DHX30: variants seen among roughly 807,000 people sequenced by gnomAD.
DHX30 encodes DExH-box helicase 30.
A neutral mutation model predicts 116.9 loss-of-function variants in DHX30; 4 were observed. That is an observed-to-expected ratio of 0.03 (90% CI 0.02 to 0.08). DHX30 has a LOEUF of 0.08. Ranked by LOEUF, DHX30 falls within the 10% of genes least tolerant of loss-of-function variation. The probability of loss-of-function intolerance (pLI) is 1.00; values close to 1 mark genes in which losing one functional copy is unlikely to be tolerated. For missense variants in DHX30, 871 were observed against 1,595.1 expected (o/e 0.55, Z 7.73); for synonymous variants, 697 against 651.7 (o/e 1.07, Z -1.06).
chr3:47,843,284 G>A (rs771988815), intron 9 of DHX30, 29 bp downstream of exon 9: 2 of 1,611,886 alleles, frequency 1.2e-6, no homozygotes, highest in East Asian at 2.2e-5. Context: ...TGGGTGTGGT[G>A]CATGAGAATG....
intron 4 of DHX30, among the ~76,000 whole-genome samples, chr3:47,820,500 C>T (rs955212991): frequency 1.3e-5 from 2 of 152,014 alleles, no homozygotes; most frequent in African/African-American, 4.8e-5. Flanking sequence ...GGTAAGTTGC[C>T]AAAATATAGG....
chr3:47,825,056 G>A, intron 4 of DHX30: 1 of 662,342 alleles, frequency 1.5e-6, no homozygotes, highest in Non-Finnish European at 2.7e-6. Context: ...GCCGCTAGGA[G>A]ACTCATGGCG....
chr3:47,846,448 C>T lies in DHX30; in HGVS notation c.1376C>T (p.Thr459Met). Residue 459 changes from threonine to methionine, a missense_variant, in exon 11 of 22, where the codon ACG becomes ATG. This residue lies in a region of DHX30 where 63 missense variants were observed against 180.6 expected (regional missense o/e 0.35). Transcript: ENST00000445061. ...QHPVVVISGD[T>M]GCGKTTRIPQ... ...CCGGTGGTGGTCATCTCTGGGGACA[C>T]GGGCTGTGGGAAGACCACGCGCATC... The T allele has an allele frequency of 6.2e-7, 1 of 1,614,112 alleles. No homozygotes were observed. The highest frequency in any genetic ancestry group is 8.5e-7 in the Non-Finnish European group (1 of 1,180,048).
At chr3:47,840,647 A>AAACAAAT (rs2037331580) in intron 6 of DHX30, among the ~76,000 whole-genome samples, 1 of 152,102 alleles carries the variant, frequency 6.6e-6, no homozygotes, top group Admixed American at 6.6e-5. Flanking sequence ...AAAAAACAAA[A>AAACAAAT]AACAAACAGT....
intron 9 of DHX30, among the ~76,000 whole-genome samples, chr3:47,844,469 C>T (rs1180598624): frequency 6.6e-6 from 1 of 152,218 alleles, no homozygotes; most frequent in Non-Finnish European, 1.5e-5. Context: ...GTCAGTGAGG[C>T]TGGTGGGTAA....
At chr3:47,824,594 G>A (rs1242761927) in intron 4 of DHX30, among the ~76,000 whole-genome samples, 1 of 152,176 alleles carries the variant, frequency 6.6e-6, no homozygotes, top group Non-Finnish European at 1.5e-5. Flanking sequence ...GCCTGGCCCT[G>A]GCTCCAGATC....
chr3:47,837,156 C>T (rs970839931), intron 6 of DHX30, among the ~76,000 whole-genome samples: 1 of 152,144 alleles, frequency 6.6e-6, no homozygotes, highest in African/African-American at 2.4e-5. Flanking sequence ...GCAAGGCACT[C>T]CAGACTCAGG....
In DHX30 at chr3:47,850,097, G is replaced by A. The variant is rs372861896; in HGVS notation, c.3562G>A (p.Val1188Met). ...GCGAGGACCCTGTGGCAGCTTTGAT[G>A]TGCGCAAGACAGCTGACGACTGAGC... is the stretch of plus-strand genomic sequence containing the variant. ...LLRGPCGSFD[V>M]RKTADD The change falls in exon 22 of 22, where the codon GTG becomes ATG. Residue 1188 changes from valine to methionine, a missense_variant. Coordinates refer to ENST00000445061, the MANE Select transcript of DHX30 (RefSeq NM_138615.3). 13 of 1,595,620 alleles carry A rather than the reference G, an allele frequency of 8.1e-6. No individual in the cohort carries two copies. In the African/African-American group the frequency reaches 1.6e-4, roughly 20 times the overall value.
chr3:47,834,998 TTTTTA>T (rs1442930941), intron 6 of DHX30, among the ~76,000 whole-genome samples: 2 of 151,948 alleles, frequency 1.3e-5, no homozygotes, highest in Admixed American at 1.3e-4. Context: ...ACTTCTTTAT[TTTTTA>T]TTTTATTTTT....
chr3:47,841,757 A>G lies in DHX30; in HGVS notation c.789+20A>G. 1 of 1,614,030 alleles carries G rather than the reference A, an allele frequency of 6.2e-7. No individual in the cohort carries two copies. The highest frequency in any genetic ancestry group is 8.5e-7 in the Non-Finnish European group (1 of 1,179,968). The stretch of plus-strand genomic sequence containing the variant: ...GCTAAGGTGAGTTGGGTCTCCTAGA[A>G]GTTTGTGTGGGGGCCGTTTACTTGG... On this transcript the variant is annotated intron_variant, in intron 8 of 21. Coordinates refer to ENST00000445061, the MANE Select transcript of DHX30 (RefSeq NM_138615.3).
chr3:47,844,620 G>A (rs902739702), intron 9 of DHX30, among the ~76,000 whole-genome samples: 2 of 152,252 alleles, frequency 1.3e-5, no homozygotes, highest in Non-Finnish European at 2.9e-5. Flanking sequence ...GAGGCAGGGG[G>A]TTGGCCCCTG....
At chr3:47,831,980 T>G (rs1426664517) in intron 6 of DHX30, among the ~76,000 whole-genome samples, 9 of 148,050 alleles carry the variant, frequency 6.1e-5, no homozygotes, top group East Asian at 2.1e-4. Context: ...GGCATTTTCC[T>G]TATTGTTGAA....
chr3:47,820,853 C>T (rs1001374831), intron 4 of DHX30, among the ~76,000 whole-genome samples: 6 of 151,392 alleles, frequency 4.0e-5, no homozygotes, highest in African/African-American at 1.2e-4. Flanking sequence ...TCCAAGAATA[C>T]GGAGAAGGCT....
rs1319791606 is a variant in DHX30 at position 47,803,202 on chromosome 3, T to C, written c.-133T>C. On this transcript the variant is annotated 5_prime_UTR_variant, in exon 1 of 22. Transcript: ENST00000445061. ...GGTGCACAGAGGCTTGTTTCACATC[T>C]GTAACAACAGGTGAATTGGGCTTTT... The C allele has an allele frequency of 5.1e-6, 2 of 393,612 alleles. No homozygotes were observed. Among genetic ancestry groups the C allele is most frequent in the African/African-American group, 2.1e-5 (1 of 48,354 alleles). The allele number at this position is 393,612 out of a possible 1,614,324, so 24.4% of individuals were successfully genotyped here.
chr3:47,822,929 T>C (rs1444827224), intron 4 of DHX30, among the ~76,000 whole-genome samples: 2 of 151,456 alleles, frequency 1.3e-5, no homozygotes, highest in Non-Finnish European at 2.9e-5. Flanking sequence ...CTGTCTCTAC[T>C]AAAAATACAA....
At chr3:47,845,094 G>T (rs1269134719) in intron 9 of DHX30, among the ~76,000 whole-genome samples, 1 of 152,142 alleles carries the variant, frequency 6.6e-6, no homozygotes, top group Non-Finnish European at 1.5e-5. Context: ...TGGGGGGGCT[G>T]TAGCCACACA....
Position 47,849,186 on chromosome 3 carries a change from C to G in DHX30, c.2930-6C>G. ...TGTAGGTCCACCACACATTCTGTCT[C>G]CCTAGGACTCATCAAGCAGTTCTCA... On this transcript the variant is annotated splice_region_variant and splice_polypyrimidine_tract_variant and intron_variant, in intron 18 of 21. Coordinates refer to ENST00000445061, the MANE Select transcript of DHX30 (RefSeq NM_138615.3). The G allele has an allele frequency of 6.2e-7, 1 of 1,613,890 alleles. No individual in the cohort carries two copies.
chr3:47,815,843 A>G, intron 3 of DHX30: 1 of 803,292 alleles, frequency 1.2e-6, no homozygotes. Flanking sequence ...GTACATGGTC[A>G]GAAGTGGGCT....
intron 4 of DHX30, chr3:47,824,918 C>A (rs779954617): frequency 2.1e-6 from 1 of 484,002 alleles, no homozygotes; most frequent in Non-Finnish European, 3.6e-6. Context: ...CTGATGCCCT[C>A]GCCTAGGCTT....
Sources: allele counts gnomAD v4.1 joint callset (sites outside exome capture counted in the v4.1 genomes callset), GRCh38; gene constraint gnomAD v4.1.1; regional missense constraint gnomAD v4.1.1; transcripts MANE v1.5; gene names NCBI Gene and HGNC (gene_info 2026-07-23, HGNC 2026-07-21).